The following DSCAML1 variants were observed in gnomAD, a reference collection of about 807,000 sequenced individuals.
The protein encoded by DSCAML1 is cell adhesion molecule DSCAML1.
Under a neutral mutation model 200.5 loss-of-function variants are expected in DSCAML1, and 38 were observed. The ratio of observed to expected loss-of-function variants is 0.19; its 90% CI spans 0.15 to 0.25. The LOEUF is 0.25. Ranked by LOEUF, DSCAML1 falls within the 10% of genes least tolerant of loss-of-function variation. The probability of loss-of-function intolerance (pLI) is 1.00; values close to 1 mark genes in which losing one functional copy is unlikely to be tolerated. For synonymous variants in DSCAML1, 1,215 were observed against 1,165.0 expected, an observed-to-expected ratio of 1.04 and a Z score of -0.87; for missense variants, 2,223 against 2,858.8, an observed-to-expected ratio of 0.78 and a Z score of 5.07.
rs540670282 is a variant in DSCAML1 at position 117,607,171 on chromosome 11, C to T, written c.512-74649G>A. ...TGCATGCGGCTATCCTCGACCCCAG[C>T]GGTGGTAAGTCCCTGTGGCCTTGTC... is the stretch of plus-strand genomic sequence containing the variant. On this transcript the variant is annotated intron_variant, in intron 3 of 32. Coordinates refer to ENST00000651296, the MANE Select transcript of DSCAML1 (RefSeq NM_020693.4). Among the ~76,000 whole-genome samples the T allele has an allele frequency of 7.2e-5, 11 of 152,330 alleles. No homozygotes were observed. In the East Asian group the frequency reaches 1.7e-3, roughly 24 times the overall value.
At chr11:117,506,135 C>T (rs889550028) in intron 8 of DSCAML1, among the ~76,000 whole-genome samples, 9 of 152,136 alleles carry the variant, frequency 5.9e-5, no homozygotes, top group Non-Finnish European at 1.2e-4. Context: ...GTGAGGTGCC[C>T]GGTGGCAAGA....
intron 3 of DSCAML1, among the ~76,000 whole-genome samples, chr11:117,614,721 C>T (rs77333821): frequency 2.0e-5 from 3 of 152,232 alleles, no homozygotes; most frequent in African/African-American, 7.2e-5. Context: ...CCAGTCCTCA[C>T]AGTGCCCAAC....
In DSCAML1 at chr11:117,432,417, T is replaced by A; in HGVS notation, c.5114A>T (p.His1705Leu). 6 of 1,614,122 alleles carry A rather than the reference T, an allele frequency of 3.7e-6. No homozygotes were observed. Among genetic ancestry groups the A allele is most frequent in the Non-Finnish European group, 4.2e-6 (5 of 1,180,030 alleles). ...TGTGCTCTGGATGAGGGTTGGGTGG[T>A]GCAAGGAGACGCCAGTACAGAAGCT... ...PQSFCTGVSL[H>L]HPTLIQSTGP... The change falls in exon 30 of 33, where the codon CAC becomes CTC. Residue 1705 changes from histidine (H) to leucine (L), a missense_variant. His to Leu is a moderately conservative substitution (Grantham distance 99). This residue lies in a region of DSCAML1 where 614 missense variants were observed against 739.1 expected (regional missense o/e 0.83). Transcript: ENST00000651296.
upstream of DSCAML1, among the ~76,000 whole-genome samples, chr11:117,800,405 C>T (rs2055646679): frequency 6.6e-6 from 1 of 152,254 alleles, no homozygotes; most frequent in Admixed American, 6.5e-5. Context: ...TTCACACCCA[C>T]ACACAAATAT....
intron 3 of DSCAML1, among the ~76,000 whole-genome samples, chr11:117,626,861 TCTCATCCTATG>T (rs1398115981): frequency 1.3e-5 from 2 of 151,772 alleles, no homozygotes; most frequent in Non-Finnish European, 2.9e-5. Flanking sequence ...AGGGGCAAAA[TCTCATCCTATG>T]CTCCACGGTG....
At chr11:117,559,414 C>T (rs2050620602) in intron 3 of DSCAML1, among the ~76,000 whole-genome samples, 1 of 152,188 alleles carries the variant, frequency 6.6e-6, no homozygotes, top group Non-Finnish European at 1.5e-5. Flanking sequence ...TCTCTAAATC[C>T]ACCTGTGACC....
At position 117,448,723 on chromosome 11, in the gene DSCAML1, G is replaced by A. The variant is rs528013399; in HGVS notation, c.3708+1826C>T. ...ATTGCCCAAAACACACCAAGTGTCT[G>A]TGCTGATGTGGAGTCACTGGAACTC... On this transcript the variant is annotated intron_variant, in intron 20 of 32. Transcript: ENST00000651296. Among the ~76,000 whole-genome samples, 343 of 152,274 alleles carry A rather than the reference G, an allele frequency of 2.3e-3. 21 individuals are homozygous for A. In the South Asian group the frequency reaches 0.067, roughly 30 times the overall value.
chr11:117,527,028 TG>T (rs556822990), intron 4 of DSCAML1, among the ~76,000 whole-genome samples: 2,427 of 152,186 alleles, frequency 0.016, 26 homozygotes, highest in South Asian at 0.036. Flanking sequence ...CCAGGTGTGG[TG>T]GCACAAGCCT....
At chr11:117,464,710 T>A (rs886936563) in intron 17 of DSCAML1, among the ~76,000 whole-genome samples, 1 of 152,106 alleles carries the variant, frequency 6.6e-6, no homozygotes, top group Non-Finnish European at 1.5e-5. Context: ...AGAGACCGGA[T>A]GAGCACAGCA....
chr11:117,588,960 A>G (rs2051204454), intron 3 of DSCAML1, among the ~76,000 whole-genome samples: 1 of 152,170 alleles, frequency 6.6e-6, no homozygotes, highest in African/African-American at 2.4e-5. Flanking sequence ...CAGAGGGGAA[A>G]ATGAGCCTCA....
chr11:117,675,110 G>A (rs2053183734), intron 3 of DSCAML1, among the ~76,000 whole-genome samples: 1 of 152,130 alleles, frequency 6.6e-6, no homozygotes, highest in African/African-American at 2.4e-5. Flanking sequence ...GATAGTAATA[G>A]CAACTCCTCC....
intron 3 of DSCAML1, among the ~76,000 whole-genome samples, chr11:117,613,904 G>C (rs1019354903): frequency 6.6e-6 from 1 of 152,146 alleles, no homozygotes; most frequent in African/African-American, 2.4e-5. Flanking sequence ...CCTAAATGTA[G>C]GGGTCTGGAA....
At chr11:117,729,766 T>C (rs141440118) in intron 3 of DSCAML1, among the ~76,000 whole-genome samples, 3 of 152,354 alleles carry the variant, frequency 2.0e-5, no homozygotes, top group African/African-American at 2.4e-5. Context: ...CTTCCAAAGA[T>C]GCCCAGCATC....
At chr11:117,683,320 T>A (rs1265815164) in intron 3 of DSCAML1, among the ~76,000 whole-genome samples, 3 of 152,198 alleles carry the variant, frequency 2.0e-5, no homozygotes, top group Admixed American at 2.0e-4. Flanking sequence ...CCTGCATCTT[T>A]TCTCTAGGTC....
chr11:117,541,531 C>T (rs1214311280), intron 3 of DSCAML1, among the ~76,000 whole-genome samples: 1 of 152,226 alleles, frequency 6.6e-6, no homozygotes, highest in Non-Finnish European at 1.5e-5. Context: ...CTGGTTGTCT[C>T]TCCCCCTCTA....
chr11:117,782,375 C>A (rs1024316292), intron 1 of DSCAML1, among the ~76,000 whole-genome samples: 1 of 152,246 alleles, frequency 6.6e-6, no homozygotes, highest in African/African-American at 2.4e-5. Flanking sequence ...TCAGGAGCAT[C>A]CTCTTAGCAG....
Position 117,516,437 on chromosome 11 carries a change from C to T in DSCAML1, c.1783+30G>A. ...CACGCATCCTGGGTGGTCAGGCGGG[C>T]AGGGGCCCTGGCTGGTGAGGGAGGC... On this transcript the variant is annotated intron_variant, in intron 8 of 32. Coordinates refer to ENST00000651296, the MANE Select transcript of DSCAML1 (RefSeq NM_020693.4). The surrounding 1 kb of genome is among the most constrained non-coding windows in gnomAD (Gnocchi z 5.7). 1 of 1,598,274 alleles carries T rather than the reference C, an allele frequency of 6.3e-7. No individual in the cohort carries two copies. The highest frequency in any genetic ancestry group is 8.5e-7 in the Non-Finnish European group (1 of 1,170,748).
At position 117,432,326 on chromosome 11, in the gene DSCAML1, G is replaced by C; in HGVS notation, c.5179+26C>G. On this transcript the variant is annotated intron_variant, in intron 30 of 32. Transcript: ENST00000651296. ...CCAAGCCACCCCGGTTGGGAAAAGG[G>C]CTGTCTCCCTGGGGATAATGCGTAC... 3 of 1,599,386 alleles carry C rather than the reference G, an allele frequency of 1.9e-6. No homozygotes were observed. The South Asian group carries it at 3.4e-5, about 18-fold the overall frequency.
chr11:117,808,660 T>C (rs1176902830), intron 1 of DSCAML1, among the ~76,000 whole-genome samples: 2 of 152,222 alleles, frequency 1.3e-5, no homozygotes, highest in East Asian at 1.9e-4. Context: ...AGGTTTATGT[T>C]CTGTAGTTTC....
Sources: gnomAD v4.1 joint callset for allele counts (sites outside exome capture counted in the v4.1 genomes callset) on GRCh38, gnomAD v4.1.1 for gene constraint, gnomAD v4.1.1 regional missense constraint, Gnocchi (gnomAD v3.1) non-coding constraint, MANE v1.5 for transcripts, NCBI Gene and HGNC (gene_info 2026-07-23, HGNC 2026-07-21) for gene names.